PDE4B: variants seen among roughly 807,000 people sequenced by gnomAD.
PDE4B encodes phosphodiesterase 4B, also known as 3',5'-cyclic-AMP phosphodiesterase 4B.
A neutral mutation model predicts 82.2 loss-of-function variants in PDE4B; 20 were observed. That is an observed-to-expected ratio of 0.24 (90% CI 0.17 to 0.35). The LOEUF (loss-of-function observed/expected upper bound fraction) is 0.35, where lower values mean the gene tolerates loss of function less well. Ranked by LOEUF, PDE4B falls within the 10% of genes least tolerant of loss-of-function variation. The probability of loss-of-function intolerance (pLI) is 1.00; values close to 1 mark genes in which losing one functional copy is unlikely to be tolerated. For synonymous variants in PDE4B, 320 were observed against 318.9 expected (o/e 1.00, Z -0.04); for missense variants, 655 against 907.2 (o/e 0.72, Z 3.57).
chr1:66,079,031 G>A (rs1234940166), intron 3 of PDE4B, among the ~76,000 whole-genome samples: 2 of 152,048 alleles, frequency 1.3e-5, no homozygotes, highest in African/African-American at 2.4e-5. Context: ...AAATGGGATG[G>A]ATTTTGCCAC....
chr1:66,175,075 A>G (rs1161647593), intron 3 of PDE4B, among the ~76,000 whole-genome samples: 1 of 152,154 alleles, frequency 6.6e-6, no homozygotes, highest in East Asian at 1.9e-4. Context: ...CCCTCCCTCA[A>G]CACATAAGAA....
At chr1:65,920,730 G>T (rs1647220628) in intron 3 of PDE4B, among the ~76,000 whole-genome samples, 1 of 152,034 alleles carries the variant, frequency 6.6e-6, no homozygotes, top group Admixed American at 6.6e-5. Context: ...CTGGAAATTA[G>T]AAACCATGTC....
rs141025720 is a variant in PDE4B, at chr1:65,889,431, G to A, written c.-70-23814G>A. Among the ~76,000 whole-genome samples, 1,054 of 152,096 alleles carry A rather than the reference G, an allele frequency of 6.9e-3. 14 individuals carry two copies. The highest frequency in any genetic ancestry group is 0.024 in the African/African-American group (996 of 41,498). ...ATGTTTTTGTCTAGCCTTATAGAAT[G>A]AGTAATGGAGAATTTCAAACTATAT... On this transcript the variant is annotated intron_variant, in intron 1 of 16. Transcript: ENST00000341517.
At chr1:66,047,247 T>C (rs1333579607) in intron 3 of PDE4B, among the ~76,000 whole-genome samples, 2 of 151,766 alleles carry the variant, frequency 1.3e-5, no homozygotes, top group Admixed American at 1.3e-4. Flanking sequence ...GCTTACTGGT[T>C]ATATTCTACT....
intron 7 of PDE4B, chr1:66,330,976 G>A (rs1333735385): frequency 2.5e-5 from 4 of 158,328 alleles, no homozygotes; most frequent in African/African-American, 9.6e-5. Flanking sequence ...TGACATACAG[G>A]ATATTGAATT....
At chr1:66,302,129 T>C (rs2101840642) in intron 7 of PDE4B, among the ~76,000 whole-genome samples, 1 of 152,294 alleles carries the variant, frequency 6.6e-6, no homozygotes. Flanking sequence ...TACTCATTTC[T>C]GGAGGAATCA....
At chr1:65,814,492 T>C (rs1244378411) in intron 1 of PDE4B, among the ~76,000 whole-genome samples, 1 of 152,168 alleles carries the variant, frequency 6.6e-6, no homozygotes, top group Non-Finnish European at 1.5e-5. Flanking sequence ...GTTAAACTCA[T>C]TTAAAAGGCT....
At chr1:66,199,071 A>T (rs1648618115) in intron 3 of PDE4B, among the ~76,000 whole-genome samples, 1 of 151,768 alleles carries the variant, frequency 6.6e-6, no homozygotes, top group Non-Finnish European at 1.5e-5. Flanking sequence ...CAATAAACAT[A>T]CGTGTGCATG....
intron 3 of PDE4B, among the ~76,000 whole-genome samples, chr1:65,938,818 A>G (rs889024667): frequency 6.6e-6 from 1 of 152,156 alleles, no homozygotes; most frequent in Non-Finnish European, 1.5e-5. Context: ...TGCAATTTGA[A>G]AGGGCCTTAA....
intron 7 of PDE4B, among the ~76,000 whole-genome samples, chr1:66,292,349 A>G (rs899604168): frequency 2.0e-5 from 3 of 152,182 alleles, no homozygotes; most frequent in Admixed American, 6.5e-5. Flanking sequence ...ATAAAAAACA[A>G]TGAGATGGAG....
intron 3 of PDE4B, among the ~76,000 whole-genome samples, chr1:66,006,251 C>A (rs1384599271): frequency 6.6e-6 from 1 of 152,090 alleles, no homozygotes; most frequent in African/African-American, 2.4e-5. Flanking sequence ...GGATAAACAC[C>A]AGATTGACAT....
At chr1:65,869,965 G>C (rs1391485165) in intron 1 of PDE4B, among the ~76,000 whole-genome samples, 1 of 152,036 alleles carries the variant, frequency 6.6e-6, no homozygotes, top group Non-Finnish European at 1.5e-5. Flanking sequence ...GCTTTCATTA[G>C]AGATGGTGAA....
chr1:66,328,868 AG>A (rs1659914948), intron 7 of PDE4B, among the ~76,000 whole-genome samples: 1 of 152,200 alleles, frequency 6.6e-6, no homozygotes. Flanking sequence ...GACAGAGGCC[AG>A]GTCTTGATGG....
At chr1:66,019,136 G>A (rs969952061) in intron 3 of PDE4B, among the ~76,000 whole-genome samples, 6 of 152,068 alleles carry the variant, frequency 3.9e-5, no homozygotes, top group Admixed American at 3.3e-4. Flanking sequence ...GGGGCCAGTA[G>A]TCTGCTGCAT....
At chr1:65,936,963 A>G (rs1217975203) in intron 3 of PDE4B, among the ~76,000 whole-genome samples, 1 of 152,210 alleles carries the variant, frequency 6.6e-6, no homozygotes, top group Non-Finnish European at 1.5e-5. Flanking sequence ...ATGATACCAT[A>G]GAATTATTAT....
intron 3 of PDE4B, among the ~76,000 whole-genome samples, chr1:65,950,545 G>A (rs1648941134): frequency 6.6e-6 from 1 of 152,074 alleles, no homozygotes; most frequent in East Asian, 1.9e-4. Flanking sequence ...AAAACGCCAA[G>A]CAAGAATGTG....
intron 3 of PDE4B, among the ~76,000 whole-genome samples, chr1:66,122,400 CTT>C (rs1645728211): frequency 6.6e-6 from 1 of 151,840 alleles, no homozygotes; most frequent in Admixed American, 6.6e-5. Flanking sequence ...TATAATTGTT[CTT>C]TGTTTAATTT....
At chr1:66,333,527 G>A (rs1163265153) in intron 8 of PDE4B, among the ~76,000 whole-genome samples, 2 of 152,080 alleles carry the variant, frequency 1.3e-5, no homozygotes, top group African/African-American at 4.8e-5. Context: ...CCTCATAGGT[G>A]CACATTTCAG....
intron 3 of PDE4B, among the ~76,000 whole-genome samples, chr1:65,930,340 G>A (rs549036163): frequency 2.7e-4 from 41 of 152,206 alleles, no homozygotes; most frequent in Non-Finnish European, 5.4e-4. Flanking sequence ...GCATCCTTCA[G>A]TTCAATCAAG....
Sources: allele counts gnomAD v4.1 joint callset (sites outside exome capture counted in the v4.1 genomes callset), GRCh38; gene constraint gnomAD v4.1.1; transcripts MANE v1.5; gene names NCBI Gene and HGNC (gene_info 2026-07-23, HGNC 2026-07-21).